Variants in TFAP4 observed in about 807,000 individuals in gnomAD.
TFAP4 encodes the protein activating enhancer-binding protein 4.
Under a neutral mutation model 40.4 loss-of-function variants are expected in TFAP4, and 7 were observed. The ratio of observed to expected loss-of-function variants is 0.17; its 90% CI spans 0.10 to 0.33. The LOEUF (loss-of-function observed/expected upper bound fraction) is 0.33, where lower values mean the gene tolerates loss of function less well. Ranked by LOEUF, TFAP4 falls within the 10% of genes least tolerant of loss-of-function variation. The probability of loss-of-function intolerance (pLI) is 1.00; values close to 1 mark genes in which losing one functional copy is unlikely to be tolerated. For synonymous variants in TFAP4, 218 were observed against 181.4 expected (o/e 1.20, Z -1.62); for missense variants, 374 against 451.1 (o/e 0.83, Z 1.55).
chr16:4,262,173 G>C (rs1360697253), intron 3 of TFAP4, 151 bp downstream of exon 3: 55 of 1,003,440 alleles, frequency 5.5e-5, no homozygotes, highest in Non-Finnish European at 7.9e-5. Flanking sequence ...TGACCGATGG[G>C]GAAACTGAGG....
intron 4 of TFAP4, 76 bp from the exon 5 acceptor site, chr16:4,260,671 T>C: frequency 6.8e-7 from 1 of 1,477,406 alleles, no homozygotes; most frequent in East Asian, 2.4e-5. Context: ...AGCAGCTCAT[T>C]CACTCCTGCT....
At position 4,260,965 on chromosome 16, in the gene TFAP4, GT is replaced by G. The variant is rs148567851; in HGVS notation, c.526-371del. Among the ~76,000 whole-genome samples the G allele has an allele frequency of 9.6e-3, 1,458 of 152,270 alleles. 23 individuals carry two copies. The highest frequency in any genetic ancestry group is 0.033 in the African/African-American group (1,388 of 41,554). On this transcript the variant is annotated intron_variant, in intron 4 of 6. Coordinates refer to ENST00000204517, the MANE Select transcript of TFAP4 (RefSeq NM_003223.3). The stretch of plus-strand genomic sequence containing the variant: ...AGCCTGGCCTTCAATATGGTTTTTT[GT>G]TTTTGTTTTTTGGTTTTTTTGAGCC...
chr16:4,261,703 G>T (rs893107955), intron 4 of TFAP4, 76 bp downstream of exon 4: 112 of 1,441,786 alleles, frequency 7.8e-5, no homozygotes, highest in Middle Eastern at 4.8e-4. Flanking sequence ...ACCGAGGGCC[G>T]CAGAGCAAGA....
At position 4,261,423 on chromosome 16, in the gene TFAP4, G is replaced by A. The variant is rs1430635309; in HGVS notation, c.525+356C>T. Among the ~76,000 whole-genome samples the A allele has an allele frequency of 2.0e-5, 3 of 151,208 alleles. No individual in the cohort carries two copies. In the East Asian group the frequency reaches 5.8e-4, roughly 29 times the overall value. On this transcript the variant is annotated intron_variant, in intron 4 of 6. Transcript: ENST00000204517. ...GCCTCCCAAACAGCGGGGACTACAG[G>A]CACCCACCACCACGCCCGGCTAATT...
At position 4,270,461 on chromosome 16, in the gene TFAP4, A is replaced by G. The variant is rs1053711572; in HGVS notation, c.89+2197T>C. Among the ~76,000 whole-genome samples the G allele has an allele frequency of 7.9e-5, 12 of 152,186 alleles. 1 individual carries two copies. The highest frequency in any genetic ancestry group is 3.2e-3 in the Middle Eastern group (1 of 316). On this transcript the variant is annotated intron_variant, in intron 1 of 6. Transcript: ENST00000204517. ...GCATCTGGCCAGAAGGTCCTGCCTA[A>G]TGAACACATTTGATCCCAGACTGGC...
chr16:4,272,258 C>T (rs2053046153), intron 1 of TFAP4, among the ~76,000 whole-genome samples: 1 of 152,160 alleles, frequency 6.6e-6, no homozygotes, highest in South Asian at 2.1e-4. Context: ...CCCCAGACCC[C>T]CTTGGATGGG....
intron 6 of TFAP4, 136 bp downstream of exon 6, chr16:4,259,954 A>G: frequency 3.3e-6 from 4 of 1,211,278 alleles, no homozygotes; most frequent in South Asian, 1.6e-5. Context: ...GGGGCCCCCC[A>G]AGGCTTCCAG....
chr16:4,262,961 C>T, intron 1 of TFAP4: 1 of 505,590 alleles, frequency 2.0e-6, no homozygotes. Flanking sequence ...GATCATTGAG[C>T]CTAAGAGTTT....
In TFAP4 at chr16:4,258,400, A is replaced by G. The variant is rs905816448; in HGVS notation, c.823-151T>C. The stretch of plus-strand genomic sequence containing the variant: ...CAGCAGGGGAGGCCCGCTAGAGTAC[A>G]GGAAAAACAAACTCCTTTTACTTTT... On this transcript the variant is annotated intron_variant, in intron 6 of 6. Transcript: ENST00000204517. The G allele has an allele frequency of 6.1e-5, 41 of 668,314 alleles. No individual in the cohort carries two copies. The African/African-American group carries it at 7.4e-4, about 12-fold the overall frequency. 41.4% of individuals were successfully genotyped at this position (668,314 alleles called of 1,614,324 possible). A position where few individuals can be genotyped will look rare whatever the true frequency, so the allele number is the denominator to read the frequency against.
intron 1 of TFAP4, among the ~76,000 whole-genome samples, chr16:4,271,199 C>G (rs1385335048): frequency 6.6e-6 from 1 of 152,230 alleles, no homozygotes; most frequent in Non-Finnish European, 1.5e-5. Context: ...GGTGGGGACC[C>G]CCGGGGCAGA....
intron 6 of TFAP4, among the ~76,000 whole-genome samples, chr16:4,259,050 T>G (rs2052922877): frequency 6.6e-6 from 1 of 151,280 alleles, no homozygotes. Flanking sequence ...ATAGCACCAT[T>G]GCACTCCAGC....
At chr16:4,271,969 A>C (rs1278889930) in intron 1 of TFAP4, among the ~76,000 whole-genome samples, 4 of 152,104 alleles carry the variant, frequency 2.6e-5, no homozygotes, top group Non-Finnish European at 5.9e-5. Flanking sequence ...AGAGGGCTGC[A>C]GAGTCACGTC....
At position 4,273,003 on chromosome 16, in the gene TFAP4, T is replaced by TGTGTGTGTGTGTGTGTGTGTGTGTGTG. The variant is rs2053053780; in HGVS notation, c.-258_-257insCACACACACACACACACACACACACAC. ...GTGTGTGTGTGTGTGTGTGTGTGTG[T>TGTGTGTGTGTGTGTGTGTGTGTGTGTG]TTGCAGCTGATCAGATGTCTGTTTC... On this transcript the variant is annotated 5_prime_UTR_variant, in exon 1 of 7. Transcript: ENST00000204517. The TGTGTGTGTGTGTGTGTGTGTGTGTGTG allele has an allele frequency of 8.2e-6, 3 of 365,594 alleles. No individual in the cohort carries two copies. Among genetic ancestry groups the TGTGTGTGTGTGTGTGTGTGTGTGTGTG allele is most frequent in the Admixed American group, 8.7e-5 (2 of 22,900 alleles). The allele number at this position is 365,594 out of a possible 1,614,324, so 22.6% of individuals were successfully genotyped here.
At chr16:4,264,670 G>C (rs1386273744) in intron 1 of TFAP4, 1 of 152,468 alleles carries the variant, frequency 6.6e-6, no homozygotes, top group Non-Finnish European at 1.5e-5. Context: ...GGAGGTGATA[G>C]GGGGACTGGA....
In TFAP4 at chr16:4,261,838, T is replaced by C. The variant is rs765700476; in HGVS notation, c.466A>G (p.Ile156Val). 1 of 1,613,100 alleles carries C rather than the reference T, an allele frequency of 6.2e-7. No homozygotes were observed. The highest frequency in any genetic ancestry group is 8.5e-7 in the Non-Finnish European group (1 of 1,179,734). Residue 156 changes from isoleucine to valine, a missense_variant, in exon 4 of 7, where the codon ATT (isoleucine) becomes GTT (valine). Ile to Val is a conservative substitution (Grantham distance 29). Transcript: ENST00000204517. ...EKAEDLRREM[I>V]ELRQQLDKER... ...TTGTCCAGCTGCTGCCGCAGCTCAATCATCTCCCGCCGCAGGTCCTCCGCC... is the reference window on the plus strand; with the variant it reads ...TTGTCCAGCTGCTGCCGCAGCTCAACCATCTCCCGCCGCAGGTCCTCCGCC...
In TFAP4 at chr16:4,257,953, C is replaced by T; in HGVS notation, c.*102G>A. On this transcript the variant is annotated 3_prime_UTR_variant, in exon 7 of 7. Transcript: ENST00000204517. Reference sequence around the variant, plus strand: ...GTCATAAAAGAGACCCAAATGACATCGTAATTTTGTAAAAATTTCTCACTC... The same window carrying T: ...GTCATAAAAGAGACCCAAATGACATTGTAATTTTGTAAAAATTTCTCACTC... 1 of 1,156,776 alleles carries T rather than the reference C, an allele frequency of 8.6e-7. No individual in the cohort carries two copies. The highest frequency in any genetic ancestry group is 1.2e-6 in the Non-Finnish European group (1 of 828,206). The allele number at this position is 1,156,776 out of a possible 1,614,324, so 71.7% of individuals were successfully genotyped here. A position where few individuals can be genotyped will look rare whatever the true frequency, so the allele number is the denominator to read the frequency against.
chr16:4,259,940 G>C (rs952546109), intron 6 of TFAP4, 150 bp downstream of exon 6: 1 of 1,041,668 alleles, frequency 9.6e-7, no homozygotes, highest in Non-Finnish European at 1.3e-6. Context: ...GCAGATCCAG[G>C]GACGGGGCCC....
In TFAP4 at chr16:4,258,041, G is replaced by A. The variant is rs1567199303; in HGVS notation, c.*14C>T. The A allele has an allele frequency of 1.9e-6, 3 of 1,606,480 alleles. No homozygotes were observed. Among genetic ancestry groups the A allele is most frequent in the Admixed American group, 1.7e-5 (1 of 59,490 alleles). ...CTCCAGCCCCCAGAAGGGAGAGGAG[G>A]GCTGGGGGGGTAGTCAGGGAAGCTC... On this transcript the variant is annotated 3_prime_UTR_variant, in exon 7 of 7. Coordinates refer to ENST00000204517, the MANE Select transcript of TFAP4 (RefSeq NM_003223.3).
intron 3 of TFAP4, 35 bp downstream of exon 3, chr16:4,262,289 G>A (rs1198826225): frequency 1.6e-5 from 25 of 1,608,030 alleles, no homozygotes; most frequent in Non-Finnish European, 2.1e-5. Flanking sequence ...GCATGCCCAT[G>A]CCAGGGAGAG....
Sources: allele counts gnomAD v4.1 joint callset (sites outside exome capture counted in the v4.1 genomes callset), GRCh38; gene constraint gnomAD v4.1.1; transcripts MANE v1.5; gene names NCBI Gene and HGNC (gene_info 2026-07-23, HGNC 2026-07-21).